GRM2: variants seen among roughly 807,000 people sequenced by gnomAD.
GRM2 encodes the protein glutamate metabotropic receptor 2, also known as metabotropic glutamate receptor 2.
Under a neutral mutation model 60.4 loss-of-function variants are expected in GRM2, and 35 were observed. That is an observed-to-expected ratio of 0.58 (90% CI 0.44 to 0.77). The LOEUF is 0.77. Ranked by LOEUF, GRM2 falls within the 30% of genes least tolerant of loss-of-function variation. The pLI is 0.00. For missense variants in GRM2, 925 were observed against 1,199.5 expected, an observed-to-expected ratio of 0.77 and a Z score of 3.38; for synonymous variants, 437 against 484.1, an observed-to-expected ratio of 0.90 and a Z score of 1.28.
At chr3:51,708,719 C>G in intron 1 of GRM2, 129 bp from the exon 2 acceptor site, 1 of 425,856 alleles carries the variant, frequency 2.3e-6, no homozygotes, top group Non-Finnish European at 4.2e-6. Context: ...CTTAATGACA[C>G]CATCCTGTCC....
Position 51,715,833 on chromosome 3 carries a change from T to C in GRM2, c.2060T>C (p.Ile687Thr), listed in dbSNP as rs767120248. Residue 687 changes from isoleucine (I) to threonine (T), a missense_variant, in exon 4 of 6, where the codon ATC becomes ACC. Ile to Thr is a moderately conservative substitution (Grantham distance 89, BLOSUM62 -1). Transcript: ENST00000395052. The surrounding 1 kb of genome is among the most constrained non-coding windows in gnomAD (Gnocchi z 9.0). ...ASQVAICLAL[I>T]SGQLLIVVAW... ...CAGGTGGCCATCTGCCTGGCACTTATCTCGGGCCAGCTGCTCATCGTGGTC... is the reference window on the plus strand; with the variant it reads ...CAGGTGGCCATCTGCCTGGCACTTACCTCGGGCCAGCTGCTCATCGTGGTC... The C allele has an allele frequency of 2.5e-6, 4 of 1,613,396 alleles. No homozygotes were observed. Among genetic ancestry groups the C allele is most frequent in the Non-Finnish European group, 3.4e-6 (4 of 1,179,954 alleles).
Position 51,709,125 on chromosome 3 carries a change from G to C in GRM2, c.142G>C (p.Glu48Gln), listed in dbSNP as rs950828398. 3.1e-6 allele frequency: 5 copies of C among 1,612,146 alleles called. No homozygotes were observed. The highest frequency in any genetic ancestry group is 4.2e-6 in the Non-Finnish European group (5 of 1,179,306). ...FPVHQKGGPA[E>Q]DCGPVNEHRG... ...AGTGCACCAGAAGGGCGGCCCAGCAGAGGACTGTGGTCCTGTCAATGAGCA... is the reference window on the plus strand; with the variant it reads ...AGTGCACCAGAAGGGCGGCCCAGCACAGGACTGTGGTCCTGTCAATGAGCA... Residue 48 changes from glutamate (E) to glutamine (Q), a missense_variant, in exon 2 of 6, where the codon GAG (glutamate) becomes CAG (glutamine). Glu to Gln is a conservative substitution (Grantham distance 29). Transcript: ENST00000395052.
At position 51,713,425 on chromosome 3, in the gene GRM2, A is replaced by G. The variant is rs1362713287; in HGVS notation, c.1288+115A>G. On this transcript the variant is annotated intron_variant, in intron 3 of 5. Coordinates refer to ENST00000395052, the MANE Select transcript of GRM2 (RefSeq NM_000839.5). The surrounding 1 kb of genome is among the most constrained non-coding windows in gnomAD (Gnocchi z 4.8). ...ACAGTAGAGTGAAAGTAAAGGACTC[A>G]CCTGGGGTGGCGTCAGAGCAAGGGC... 2.6e-6 allele frequency: 2 copies of G among 767,898 alleles called. No homozygotes were observed. The highest frequency in any genetic ancestry group is 4.2e-6 in the Non-Finnish European group (2 of 476,328). 47.6% of individuals were successfully genotyped at this position (767,898 alleles called of 1,614,324 possible).
At position 51,713,095 on chromosome 3, in the gene GRM2, G is replaced by A. The variant is rs148285622; in HGVS notation, c.1073G>A (p.Arg358Gln). The change falls in exon 3 of 6, where the codon CGG becomes CAG. Residue 358 changes from arginine to glutamine, a missense_variant. Physicochemically the swap from Arg to Gln is conservative, Grantham distance 43 (BLOSUM62 1). Transcript: ENST00000395052. This position sits in a 1 kb window ranked among gnomAD's most constrained non-coding sequence, Gnocchi z 4.8. The stretch of plus-strand genomic sequence containing the variant: ...GAGCAGAGGTTCCGCTGCAGCTTCC[G>A]GCAGCGAGACTGCGCAGCCCACTCT... ...FWEQRFRCSF[R>Q]QRDCAAHSLR... The A allele has an allele frequency of 1.2e-3, 1,971 of 1,613,122 alleles. No individual in the cohort carries two copies. Among genetic ancestry groups the A allele is most frequent in the Non-Finnish European group, 1.5e-3 (1,761 of 1,180,020 alleles).
In GRM2 at chr3:51,713,602, A is replaced by G; in HGVS notation, c.1288+292A>G. On this transcript the variant is annotated intron_variant, in intron 3 of 5. Coordinates refer to ENST00000395052, the MANE Select transcript of GRM2 (RefSeq NM_000839.5). This position sits in a 1 kb window ranked among gnomAD's most constrained non-coding sequence, Gnocchi z 4.8. ...CTGTCTTCTGTCTCCTTATCTTGCC[A>G]AAGGTGGAGACCAGGAGACCTCAAG... 2.4e-6 allele frequency: 1 copy of G among 418,552 alleles called. No homozygotes were observed. The highest frequency in any genetic ancestry group is 4.1e-5 in the Admixed American group (1 of 24,556). 25.9% of individuals were successfully genotyped at this position (418,552 alleles called of 1,614,324 possible). A position where few individuals can be genotyped will look rare whatever the true frequency, so the allele number is the denominator to read the frequency against.
rs186559309 is a variant in GRM2 at position 51,717,063 on chromosome 3, G to A, written c.2365-574G>A. Reference sequence around the variant, plus strand: ...ATTTGCATATGATTTGCATTTGCATGCCAATCACAGGCAGCTAAGGACTCA... The same window carrying A: ...ATTTGCATATGATTTGCATTTGCATACCAATCACAGGCAGCTAAGGACTCA... On this transcript the variant is annotated intron_variant, in intron 4 of 5. Coordinates refer to ENST00000395052, the MANE Select transcript of GRM2 (RefSeq NM_000839.5). The surrounding 1 kb of genome is among the most constrained non-coding windows in gnomAD (Gnocchi z 6.0). Among the ~76,000 whole-genome samples, 1 of 152,038 alleles carries A rather than the reference G, an allele frequency of 6.6e-6. No individual in the cohort carries two copies. Among genetic ancestry groups the A allele is most frequent in the Non-Finnish European group, 1.5e-5 (1 of 67,960 alleles).
chr3:51,713,276 C>T lies in GRM2; in HGVS notation c.1254C>T (p.Leu418=). ...DAMRPVNGRR[L]YKDFVLNVKF... ...TGCGGCCAGTTAACGGGCGCCGCCT[C>T]TACAAGGACTTTGTGCTCAACGTCA... Residue 418 remains leucine (L), a synonymous_variant, in exon 3 of 6, where the codon CTC becomes CTT. Coordinates refer to ENST00000395052, the MANE Select transcript of GRM2 (RefSeq NM_000839.5). The surrounding 1 kb of genome is among the most constrained non-coding windows in gnomAD (Gnocchi z 4.8). 1 of 1,612,000 alleles carries T rather than the reference C, an allele frequency of 6.2e-7. No homozygotes were observed. The highest frequency in any genetic ancestry group is 1.1e-5 in the South Asian group (1 of 91,018).
In GRM2 at chr3:51,715,453, C is replaced by T. The variant is rs1420473930; in HGVS notation, c.1680C>T (p.Tyr560=). Residue 560 remains tyrosine (Y), a synonymous_variant, in exon 4 of 6, where the codon TAC becomes TAT. Transcript: ENST00000395052. The surrounding 1 kb of genome is among the most constrained non-coding windows in gnomAD (Gnocchi z 9.0). ...GCTGCTTCGAACTGCCCCAGGAGTA[C>T]ATCCGCTGGGGCGATGCCTGGGCTG... The part of the protein sequence containing the change: ...LTGCFELPQE[Y]IRWGDAWAVG... 1.2e-6 allele frequency: 2 copies of T among 1,612,750 alleles called. No individual in the cohort carries two copies. Among genetic ancestry groups the T allele is most frequent in the Non-Finnish European group, 8.5e-7 (1 of 1,179,784 alleles).
rs138493587 is a variant in GRM2 at position 51,717,659 on chromosome 3, T to C, written c.2387T>C (p.Val796Ala). 86 of 1,613,624 alleles carry C rather than the reference T, an allele frequency of 5.3e-5. No homozygotes were observed. The highest frequency in any genetic ancestry group is 6.9e-5 in the Non-Finnish European group (82 of 1,179,968). Residue 796 changes from valine to alanine, a missense_variant, in exon 5 of 6, where the codon GTG (valine) becomes GCG (alanine). Transcript: ENST00000395052. The surrounding 1 kb of genome is among the most constrained non-coding windows in gnomAD (Gnocchi z 6.0). ...CAGGTACAGACCACCACCATGTGCG[T>C]GTCAGTCAGCCTCAGCGGCTCCGTG... is the stretch of plus-strand genomic sequence containing the variant. ...DYRVQTTTMCVSVSLSGSVVL... is the reference protein window; with the variant it reads ...DYRVQTTTMCASVSLSGSVVL...
intron 1 of GRM2, chr3:51,707,497 C>CGGGAAAA (rs1445889498): frequency 6.5e-6 from 1 of 153,678 alleles, no homozygotes; most frequent in Admixed American, 6.5e-5. Context: ...TCCTGGCTGT[C>CGGGAAAA]TGACTCCGGG....
In GRM2 at chr3:51,709,256, T is replaced by C; in HGVS notation, c.273T>C (p.Ser91=). The change falls in exon 2 of 6, where the codon AGT becomes AGC. Residue 91 remains serine (S), a synonymous_variant. Coordinates refer to ENST00000395052, the MANE Select transcript of GRM2 (RefSeq NM_000839.5). ...GCCTGGGTGCACACATCCTCGACAG[T>C]TGCTCCAAGGACACACATGCGCTGG... The part of the protein sequence containing the change: ...GVRLGAHILD[S]CSKDTHALEQ... 1 of 1,604,574 alleles carries C rather than the reference T, an allele frequency of 6.2e-7. No homozygotes were observed.
At position 51,716,277 on chromosome 3, in the gene GRM2, A is replaced by T; in HGVS notation, c.2364+140A>T. On this transcript the variant is annotated intron_variant, in intron 4 of 5. Transcript: ENST00000395052. The surrounding 1 kb of genome is among the most constrained non-coding windows in gnomAD (Gnocchi z 4.0). Reference sequence around the variant, plus strand: ...GGGACCACAGCTTGTGTGGATCCCAAGGGGAAGGTGGGAGGGCTGAATAGG... The same window carrying T: ...GGGACCACAGCTTGTGTGGATCCCATGGGGAAGGTGGGAGGGCTGAATAGG... 1 of 648,832 alleles carries T rather than the reference A, an allele frequency of 1.5e-6. No individual in the cohort carries two copies. The allele number at this position is 648,832 out of a possible 1,614,324, so 40.2% of individuals were successfully genotyped here. A position where few individuals can be genotyped will look rare whatever the true frequency, so the allele number is the denominator to read the frequency against.
chr3:51,709,512 C>G (rs928111452), intron 2 of GRM2, 79 bp downstream of exon 2: 6 of 999,170 alleles, frequency 6.0e-6, no homozygotes, highest in Non-Finnish European at 8.6e-6. Context: ...AAAAGGGGCT[C>G]ATGGGCTGCT....
Position 51,715,003 on chromosome 3 carries a change from A to C in GRM2, c.1289-59A>C. 9.6e-7 allele frequency: 1 copy of C among 1,042,892 alleles called. No homozygotes were observed. The highest frequency in any genetic ancestry group is 2.4e-5 in the East Asian group (1 of 40,970). The allele number at this position is 1,042,892 out of a possible 1,614,324, so 64.6% of individuals were successfully genotyped here. On this transcript the variant is annotated intron_variant, in intron 3 of 5. Coordinates refer to ENST00000395052, the MANE Select transcript of GRM2 (RefSeq NM_000839.5). The surrounding 1 kb of genome is among the most constrained non-coding windows in gnomAD (Gnocchi z 9.0). ...GGGTTCCATGTTAGGGTGAATGTTG[A>C]GGTCACATCAGGGTAACACACTAGT...
chr3:51,709,426 C>T lies in GRM2; in HGVS notation c.443C>T (p.Ser148Phe). Reference protein sequence around the residue: ...GVIGGSYSDVSIQVANLLRLF... With the variant: ...GVIGGSYSDVFIQVANLLRLF... ...ATTGGCGGTTCCTACAGTGATGTCT[C>T]CATCCAGGTACGTGGAAGCCACCCA... Residue 148 changes from serine to phenylalanine, a missense_variant, in exon 2 of 6, where the codon TCC (serine) becomes TTC (phenylalanine). Coordinates refer to ENST00000395052, the MANE Select transcript of GRM2 (RefSeq NM_000839.5). The T allele has an allele frequency of 1.3e-6, 2 of 1,543,356 alleles. No homozygotes were observed. Among genetic ancestry groups the T allele is most frequent in the Non-Finnish European group, 1.8e-6 (2 of 1,134,494 alleles).
rs5848933 is a variant in GRM2, at chr3:51,717,120, G to GCACA, written c.2365-503_2365-500dup. 4.5e-3 allele frequency among the ~76,000 whole-genome samples: 681 copies of GCACA among 150,112 alleles called. 5 individuals are homozygous for GCACA. Among genetic ancestry groups the GCACA allele is most frequent in the South Asian group, 0.015 (73 of 4,730 alleles). ...ACACACACCGTACCCACACATGCAT[G>GCACA]CACACACACACACACACTTGTACAC... On this transcript the variant is annotated intron_variant, in intron 4 of 5. Transcript: ENST00000395052. The surrounding 1 kb of genome is among the most constrained non-coding windows in gnomAD (Gnocchi z 6.0).
At position 51,717,368 on chromosome 3, in the gene GRM2, C is replaced by A. The variant is rs184715167; in HGVS notation, c.2365-269C>A. 6.6e-6 allele frequency among the ~76,000 whole-genome samples: 1 copy of A among 152,240 alleles called. No homozygotes were observed. Among genetic ancestry groups the A allele is most frequent in the South Asian group, 2.1e-4 (1 of 4,826 alleles). ...ACATGCACGCACTCCATTCCTGCAG[C>A]CCCCAGATGCACACACCCCTGTGTA... On this transcript the variant is annotated intron_variant, in intron 4 of 5. Coordinates refer to ENST00000395052, the MANE Select transcript of GRM2 (RefSeq NM_000839.5). This position sits in a 1 kb window ranked among gnomAD's most constrained non-coding sequence, Gnocchi z 6.0.
In GRM2 at chr3:51,709,115, C is replaced by T. The variant is rs1703600920; in HGVS notation, c.132C>T (p.Gly44=). ...GGCTGTTCCCAGTGCACCAGAAGGG[C>T]GGCCCAGCAGAGGACTGTGGTCCTG... The part of the protein sequence containing the change: ...LGGLFPVHQK[G]GPAEDCGPVN... The change falls in exon 2 of 6, where the codon GGC becomes GGT. Residue 44 remains glycine (G), a synonymous_variant. Transcript: ENST00000395052. 1.9e-6 allele frequency: 3 copies of T among 1,611,724 alleles called. No individual in the cohort carries two copies. The highest frequency in any genetic ancestry group is 2.7e-5 in the African/African-American group (2 of 75,020).
intron 3 of GRM2, 82 bp from the exon 4 acceptor site, chr3:51,714,980 G>A (rs1016515631): frequency 3.6e-6 from 3 of 837,492 alleles, no homozygotes; most frequent in Non-Finnish European, 3.8e-6. Flanking sequence ...TGGCATTTGG[G>A]TTCCATGTTA....
Sources: gnomAD v4.1 joint callset for allele counts (sites outside exome capture counted in the v4.1 genomes callset) on GRCh38, gnomAD v4.1.1 for gene constraint, Gnocchi (gnomAD v3.1) non-coding constraint, MANE v1.5 for transcripts, NCBI Gene and HGNC (gene_info 2026-07-23, HGNC 2026-07-21) for gene names.